Variants in VTI1A observed in about 807,000 individuals in gnomAD.
VTI1A encodes vesicle transport through interaction with t-SNAREs homolog 1A.
A neutral mutation model predicts 34.9 loss-of-function variants in VTI1A; 22 were observed. The observed-to-expected ratio is 0.63, with a 90% confidence interval of 0.45 to 0.90. The LOEUF (loss-of-function observed/expected upper bound fraction) is 0.90. VTI1A is among the 40% of genes least tolerant of loss of function. The pLI is 0.00. For missense variants in VTI1A, 268 were observed against 275.6 expected (o/e 0.97, Z 0.20); for synonymous variants, 87 against 97.3 (o/e 0.89, Z 0.62).
At chr10:112,783,420 C>A (rs1564923687) in intron 7 of VTI1A, among the ~76,000 whole-genome samples, 1 of 152,052 alleles carries the variant, frequency 6.6e-6, no homozygotes, top group Admixed American at 6.6e-5. Flanking sequence ...CACACACACA[C>A]ACACACTGCC....
intron 7 of VTI1A, among the ~76,000 whole-genome samples, chr10:112,680,692 A>G (rs1400405614): frequency 6.6e-6 from 1 of 152,232 alleles, no homozygotes; most frequent in African/African-American, 2.4e-5. Flanking sequence ...TGTGCTACAT[A>G]GTAAGTGAGA....
At chr10:112,701,209 T>A (rs1341183212) in intron 7 of VTI1A, among the ~76,000 whole-genome samples, 1 of 152,226 alleles carries the variant, frequency 6.6e-6, no homozygotes, top group African/African-American at 2.4e-5. Context: ...CTGAAATCCT[T>A]GAACTAACTT....
chr10:112,516,042 A>G (rs1295014879), intron 3 of VTI1A, among the ~76,000 whole-genome samples: 1 of 152,082 alleles, frequency 6.6e-6, no homozygotes, highest in Non-Finnish European at 1.5e-5. Context: ...ATCTATTTGT[A>G]TGACAGTTCA....
At chr10:112,688,728 G>A (rs748745772) in intron 7 of VTI1A, among the ~76,000 whole-genome samples, 24 of 151,370 alleles carry the variant, frequency 1.6e-4, no homozygotes, top group Non-Finnish European at 3.1e-4. Context: ...TAGTAGAGAC[G>A]GGGTTTCATC....
At chr10:112,675,339 T>A (rs1300084688) in intron 7 of VTI1A, among the ~76,000 whole-genome samples, 1 of 152,208 alleles carries the variant, frequency 6.6e-6, no homozygotes, top group Non-Finnish European at 1.5e-5. Context: ...GTCATCTGCC[T>A]CCAGGGGCTG....
At chr10:112,554,229 G>A (rs935605072) in intron 5 of VTI1A, among the ~76,000 whole-genome samples, 2 of 152,136 alleles carry the variant, frequency 1.3e-5, no homozygotes, top group Non-Finnish European at 2.9e-5. Context: ...GTCTGCAAAT[G>A]TATATATGTC....
intron 7 of VTI1A, among the ~76,000 whole-genome samples, chr10:112,761,528 T>C (rs1851462689): frequency 1.3e-5 from 2 of 152,220 alleles, no homozygotes; most frequent in Non-Finnish European, 2.9e-5. Context: ...ATAACAATTA[T>C]GTCTTACTCT....
intron 3 of VTI1A, among the ~76,000 whole-genome samples, chr10:112,517,353 C>T (rs1849815902): frequency 6.6e-6 from 1 of 151,862 alleles, no homozygotes; most frequent in Non-Finnish European, 1.5e-5. Flanking sequence ...GGACGATAAC[C>T]CAGAATATAA....
chr10:112,778,530 G>A (rs1852018570), intron 7 of VTI1A, among the ~76,000 whole-genome samples: 1 of 152,108 alleles, frequency 6.6e-6, no homozygotes, highest in Non-Finnish European at 1.5e-5. Context: ...ATTCTATACA[G>A]GACAAAGAGC....
At chr10:112,791,414 A>G (rs545300456) in intron 7 of VTI1A, among the ~76,000 whole-genome samples, 12 of 152,288 alleles carry the variant, frequency 7.9e-5, no homozygotes, top group Non-Finnish European at 1.6e-4. Context: ...CTCTCTATAT[A>G]TTCTTTTTTT....
chr10:112,608,308 C>T (rs1845165921), intron 5 of VTI1A, among the ~76,000 whole-genome samples: 1 of 152,072 alleles, frequency 6.6e-6, no homozygotes. Context: ...ATATAGAAAA[C>T]CAGCTATTTA....
intron 5 of VTI1A, among the ~76,000 whole-genome samples, chr10:112,600,925 T>G (rs1844851353): frequency 6.6e-6 from 1 of 152,260 alleles, no homozygotes; most frequent in African/African-American, 2.4e-5. Flanking sequence ...TATGCAAATA[T>G]GAAGAAAGTG....
Position 112,678,600 on chromosome 10 carries a change from G to A in VTI1A, c.560+9602G>A, listed in dbSNP as rs898776016. On this transcript the variant is annotated intron_variant, in intron 7 of 7. Transcript: ENST00000393077. ...CCCTCCACAAATCTCCCCCTTCTTC[G>A]GCTGCCACCACCACTACCGCCACCA... Among the ~76,000 whole-genome samples the A allele has an allele frequency of 1.4e-4, 21 of 152,006 alleles. 1 individual carries two copies. The highest frequency in any genetic ancestry group is 2.6e-4 in the Non-Finnish European group (18 of 68,008).
chr10:112,684,056 A>G (rs11196054), intron 7 of VTI1A, among the ~76,000 whole-genome samples: 7,223 of 152,056 alleles, frequency 0.048, 392 homozygotes, highest in African/African-American at 0.12. Flanking sequence ...AAAAAAAAAA[A>G]CACCTCTTAT....
rs3740145 is a variant in VTI1A at position 112,816,977 on chromosome 10, T to C, written c.*1594T>C. ...AGCTGCAGCCTTTACTTCGGAGGGA[T>C]GGTGTGGGATTTTGGCCGAGGGAAG... On this transcript the variant is annotated 3_prime_UTR_variant, in exon 8 of 8. Coordinates refer to ENST00000393077, the MANE Select transcript of VTI1A (RefSeq NM_145206.4). The C allele has an allele frequency of 0.024, 5,484 of 231,690 alleles. 159 individuals carry two copies. Among genetic ancestry groups the C allele is most frequent in the East Asian group, 0.096 (1,568 of 16,356 alleles). The allele number at this position is 231,690 out of a possible 1,614,324, so 14.4% of individuals were successfully genotyped here. A position where few individuals can be genotyped will look rare whatever the true frequency, so the allele number is the denominator to read the frequency against.
chr10:112,667,101 C>T (rs913981930), intron 5 of VTI1A, among the ~76,000 whole-genome samples: 4 of 151,936 alleles, frequency 2.6e-5, no homozygotes, highest in Non-Finnish European at 5.9e-5. Context: ...TAGCAGTGTG[C>T]ATATATGAGC....
At chr10:112,792,919 A>G (rs757165031) in intron 7 of VTI1A, among the ~76,000 whole-genome samples, 3 of 152,214 alleles carry the variant, frequency 2.0e-5, no homozygotes, top group Non-Finnish European at 4.4e-5. Flanking sequence ...TTATGCTTTC[A>G]GTTGTTAATT....
chr10:112,546,687 AAG>A (rs1851143154), intron 5 of VTI1A, among the ~76,000 whole-genome samples: 1 of 152,118 alleles, frequency 6.6e-6, no homozygotes, highest in African/African-American at 2.4e-5. Context: ...TTTTTAAAAA[AAG>A]AGGCATATTC....
chr10:112,711,893 T>C (rs761376433), intron 7 of VTI1A, among the ~76,000 whole-genome samples: 4 of 152,190 alleles, frequency 2.6e-5, no homozygotes, highest in Non-Finnish European at 5.9e-5. Context: ...TCTATTTTAA[T>C]CTTTGTCCCA....
Sources: allele counts gnomAD v4.1 joint callset (sites outside exome capture counted in the v4.1 genomes callset), GRCh38; gene constraint gnomAD v4.1.1; transcripts MANE v1.5; gene names NCBI Gene and HGNC (gene_info 2026-07-23, HGNC 2026-07-21).